The following PLPPR1 variants were observed in gnomAD, a reference collection of about 807,000 sequenced individuals.
PLPPR1 encodes phospholipid phosphatase-related protein type 1.
A neutral mutation model predicts 33.1 loss-of-function variants in PLPPR1; 10 were observed. The ratio of observed to expected loss-of-function variants is 0.30; its 90% confidence interval spans 0.19 to 0.51. PLPPR1 has a LOEUF of 0.51. PLPPR1 is among the 20% of genes least tolerant of loss of function. The pLI, the probability that PLPPR1 is intolerant of heterozygous loss-of-function variation, is 0.97. For synonymous variants in PLPPR1, 151 were observed against 151.0 expected (o/e 1.00, Z 0.00); for missense variants, 304 against 408.1 (o/e 0.74, Z 2.20).
intron 1 of PLPPR1, among the ~76,000 whole-genome samples, chr9:101,135,699 C>T (rs1236176521): frequency 6.6e-6 from 1 of 152,194 alleles, no homozygotes; most frequent in Non-Finnish European, 1.5e-5. Context: ...CTCTGAGTTA[C>T]CTCCGGCTTA....
intron 1 of PLPPR1, among the ~76,000 whole-genome samples, chr9:101,171,548 G>A (rs1825941202): frequency 6.6e-6 from 1 of 152,220 alleles, no homozygotes; most frequent in Non-Finnish European, 1.5e-5. Flanking sequence ...CAGTGCCAAT[G>A]CCACCCTCTT....
intron 1 of PLPPR1, among the ~76,000 whole-genome samples, chr9:101,137,078 G>A (rs1441140210): frequency 6.6e-6 from 1 of 152,124 alleles, no homozygotes; most frequent in Non-Finnish European, 1.5e-5. Flanking sequence ...TTGTATGCTT[G>A]TTTCAAAATA....
chr9:101,089,016 C>G (rs942884492), intron 1 of PLPPR1, among the ~76,000 whole-genome samples: 1 of 152,174 alleles, frequency 6.6e-6, no homozygotes, highest in Non-Finnish European at 1.5e-5. Context: ...ACATTTAAAA[C>G]TCACAGGGAT....
intron 1 of PLPPR1, among the ~76,000 whole-genome samples, chr9:101,157,431 G>A (rs891458721): frequency 2.6e-5 from 4 of 152,088 alleles, no homozygotes; most frequent in Non-Finnish European, 5.9e-5. Flanking sequence ...CGGTTGGGTG[G>A]TGCCTATATG....
chr9:101,108,960 A>AT (rs5899429), intron 1 of PLPPR1, among the ~76,000 whole-genome samples: 92,704 of 136,720 alleles, frequency 0.68, 31,602 homozygotes, highest in East Asian at 0.88. Flanking sequence ...GTCTTCAATA[A>AT]TTTTTTTTTT....
intron 7 of PLPPR1, among the ~76,000 whole-genome samples, chr9:101,320,386 T>G (rs1293500736): frequency 6.6e-6 from 1 of 152,200 alleles, no homozygotes; most frequent in Non-Finnish European, 1.5e-5. Context: ...TTATTTACCA[T>G]GTATCCTGGC....
chr9:101,081,566 T>C (rs763560974), intron 1 of PLPPR1, among the ~76,000 whole-genome samples: 13 of 152,174 alleles, frequency 8.5e-5, no homozygotes, highest in Non-Finnish European at 1.8e-4. Context: ...AGTCTCTGAA[T>C]TGGGTTAGAA....
At chr9:101,156,358 T>A (rs1399372005) in intron 1 of PLPPR1, among the ~76,000 whole-genome samples, 1 of 151,930 alleles carries the variant, frequency 6.6e-6, no homozygotes, top group Non-Finnish European at 1.5e-5. Flanking sequence ...AAGACCAGCC[T>A]GGGCAACATG....
Position 101,182,889 on chromosome 9 carries a change from A to G in PLPPR1, c.-45-2561A>G, listed in dbSNP as rs1022390371. Reference sequence around the variant, plus strand: ...AAAAATGGCTAATAAGCACATGGAAAGATGCTCAACATAATTTTTTATTAG... The same window carrying G: ...AAAAATGGCTAATAAGCACATGGAAGGATGCTCAACATAATTTTTTATTAG... On this transcript the variant is annotated intron_variant, in intron 1 of 7. Coordinates refer to ENST00000374874, the MANE Select transcript of PLPPR1 (RefSeq NM_207299.2). 1.4e-3 allele frequency among the ~76,000 whole-genome samples: 211 copies of G among 151,932 alleles called. 1 individual carries two copies. The highest frequency in any genetic ancestry group is 5.0e-3 in the African/African-American group (207 of 41,540).
chr9:101,227,499 G>T (rs541519883), intron 2 of PLPPR1, among the ~76,000 whole-genome samples: 68 of 152,108 alleles, frequency 4.5e-4, no homozygotes, highest in Admixed American at 1.6e-3. Flanking sequence ...TTTTAATGGG[G>T]TTTTTTTCTT....
At chr9:101,203,741 A>G (rs562123612) in intron 2 of PLPPR1, among the ~76,000 whole-genome samples, 132 of 151,438 alleles carry the variant, frequency 8.7e-4, no homozygotes, top group African/African-American at 3.0e-3. Context: ...TTATATATCT[A>G]TCTATATATA....
At chr9:101,113,206 C>CTTT (rs34152471) in intron 1 of PLPPR1, among the ~76,000 whole-genome samples, 1 of 144,248 alleles carries the variant, frequency 6.9e-6, no homozygotes. Flanking sequence ...CATATTAATC[C>CTTT]TTTTTTTTTT....
intron 1 of PLPPR1, among the ~76,000 whole-genome samples, chr9:101,132,269 G>T (rs1418526767): frequency 6.6e-6 from 1 of 152,126 alleles, no homozygotes; most frequent in African/African-American, 2.4e-5. Context: ...GTATGCCTAC[G>T]ATACTTGAGT....
At chr9:101,305,664 G>A (rs762980300) in intron 4 of PLPPR1, among the ~76,000 whole-genome samples, 6 of 152,114 alleles carry the variant, frequency 3.9e-5, no homozygotes, top group Non-Finnish European at 7.4e-5. Context: ...ACTTTTCCCA[G>A]TTCTGAAGGG....
At chr9:101,109,053 G>A (rs1384638013) in intron 1 of PLPPR1, among the ~76,000 whole-genome samples, 1 of 150,590 alleles carries the variant, frequency 6.6e-6, no homozygotes, top group Non-Finnish European at 1.5e-5. Context: ...CCGCCTTCCG[G>A]ATTGACGCCA....
intron 2 of PLPPR1, among the ~76,000 whole-genome samples, chr9:101,244,143 A>C (rs1171893143): frequency 6.6e-6 from 1 of 151,958 alleles, no homozygotes; most frequent in Non-Finnish European, 1.5e-5. Flanking sequence ...TGCCTAATGA[A>C]TTTTTCAATT....
intron 1 of PLPPR1, among the ~76,000 whole-genome samples, chr9:101,106,590 T>C (rs1482800058): frequency 1.2e-5 from 1 of 84,074 alleles, no homozygotes; most frequent in African/African-American, 5.9e-5. Context: ...CATTTTTTCC[T>C]TCATTTCAAC....
At chr9:101,054,184 AAAAAC>A (rs373556892) in intron 1 of PLPPR1, among the ~76,000 whole-genome samples, 3,135 of 152,176 alleles carry the variant, frequency 0.021, 110 homozygotes, top group African/African-American at 0.071. Flanking sequence ...ACTCCATCTC[AAAAAC>A]AAAACAAAAC....
Position 101,324,109 on chromosome 9 carries a change from C to G in PLPPR1, c.*52C>G, listed in dbSNP as rs370522441. The G allele has an allele frequency of 6.9e-6, 10 of 1,449,974 alleles. No individual in the cohort carries two copies. The African/African-American group carries it at 1.4e-4, about 20-fold the overall frequency. The allele number at this position is 1,449,974 out of a possible 1,614,324, so 89.8% of individuals were successfully genotyped here. A position where few individuals can be genotyped will look rare whatever the true frequency, so the allele number is the denominator to read the frequency against. On this transcript the variant is annotated 3_prime_UTR_variant, in exon 8 of 8. Coordinates refer to ENST00000374874, the MANE Select transcript of PLPPR1 (RefSeq NM_207299.2). ...TTTAAAATCATCTTCCAATTCTATA[C>G]TTCAAAACACACAGTTGCTCAATGT...
Sources: gnomAD v4.1 joint callset for allele counts (sites outside exome capture counted in the v4.1 genomes callset) on GRCh38, gnomAD v4.1.1 for gene constraint, MANE v1.5 for transcripts, NCBI Gene and HGNC (gene_info 2026-07-23, HGNC 2026-07-21) for gene names.